Variants in GEMIN2 observed in about 807,000 individuals in gnomAD.
The protein encoded by GEMIN2 is gem nuclear organelle associated protein 2.
GEMIN2 carries 37 observed loss-of-function variants against 45.8 expected under a neutral mutation model. The observed-to-expected ratio is 0.81, with a 90% CI of 0.62 to 1.06. GEMIN2 has a LOEUF of 1.06. Ranked by LOEUF, GEMIN2 falls within the 50% of genes least tolerant of loss-of-function variation. GEMIN2 has a pLI of 0.00. For synonymous variants in GEMIN2, 101 were observed against 111.5 expected (o/e 0.91, Z 0.60); for missense variants, 335 against 321.8 (o/e 1.04, Z -0.31).
In GEMIN2 at chr14:39,133,645, C is replaced by CT. The variant is rs77967037; in HGVS notation, c.712-3dup. 51,865 of 1,119,270 alleles carry CT rather than the reference C, an allele frequency of 0.046. 9 individuals carry two copies. The highest frequency in any genetic ancestry group is 0.049 in the Non-Finnish European group (39,866 of 807,720). 69.3% of individuals were successfully genotyped at this position (1,119,270 alleles called of 1,614,324 possible). ...AGGAACAGACAATATTTAAATTTTT[C>CT]TTTTTTTTTTTTTAGGATAGCAAAG... is the stretch of plus-strand genomic sequence containing the variant. On this transcript the variant is annotated splice_polypyrimidine_tract_variant and intron_variant, in intron 8 of 9. Transcript: ENST00000308317.
chr14:39,121,371 A>C (rs1181704276), intron 4 of GEMIN2, among the ~76,000 whole-genome samples: 1 of 152,146 alleles, frequency 6.6e-6, no homozygotes, highest in Admixed American at 6.6e-5. Context: ...TATCTCTACA[A>C]AAAAAATTTA....
chr14:39,120,397 G>A (rs2052559730), intron 4 of GEMIN2, among the ~76,000 whole-genome samples: 1 of 152,086 alleles, frequency 6.6e-6, no homozygotes, highest in South Asian at 2.1e-4. Context: ...AAAAAATAAA[G>A]TACACTGTGA....
chr14:39,121,570 T>C (rs2052573209), intron 4 of GEMIN2, among the ~76,000 whole-genome samples: 1 of 152,178 alleles, frequency 6.6e-6, no homozygotes, highest in South Asian at 2.1e-4. Context: ...ATGTCCCACA[T>C]ATTGTGTAGC....
chr14:39,130,194 A>G (rs2052698968), intron 7 of GEMIN2, among the ~76,000 whole-genome samples: 1 of 151,904 alleles, frequency 6.6e-6, no homozygotes, highest in Admixed American at 6.6e-5. Flanking sequence ...TTTTTATAGA[A>G]AAAGAATTCC....
At chr14:39,118,626 G>T in intron 4 of GEMIN2, 27 bp downstream of exon 4, 1 of 1,036,016 alleles carries the variant, frequency 9.7e-7, no homozygotes. Context: ...GTTTTAAGAT[G>T]TACAATGTAT....
At chr14:39,117,027 CT>C (rs2052517207) in intron 2 of GEMIN2, among the ~76,000 whole-genome samples, 2 of 152,280 alleles carry the variant, frequency 1.3e-5, no homozygotes, top group Admixed American at 1.3e-4. Context: ...AATCCCAGCA[CT>C]TTGGGAGGCC....
intron 6 of GEMIN2, among the ~76,000 whole-genome samples, chr14:39,126,625 A>C (rs2052643923): frequency 6.6e-6 from 1 of 152,342 alleles, no homozygotes; most frequent in African/African-American, 2.4e-5. Context: ...TATTTGAATA[A>C]ACCAGAGATT....
chr14:39,121,097 A>AT lies in GEMIN2; in HGVS notation c.373-1332dup, dbSNP rs577936154. ...CTTCAAATATGTGAAATATGTAATCATGTCTCTTTACATGGGATAAATATC... is the reference window on the plus strand; with the variant it reads ...CTTCAAATATGTGAAATATGTAATCATTGTCTCTTTACATGGGATAAATATC... On this transcript the variant is annotated intron_variant, in intron 4 of 9. Transcript: ENST00000308317. Among the ~76,000 whole-genome samples the AT allele has an allele frequency of 1.8e-3, 279 of 152,276 alleles. 2 individuals are homozygous for AT. Among genetic ancestry groups the AT allele is most frequent in the African/African-American group, 6.4e-3 (264 of 41,548 alleles).
Position 39,132,006 on chromosome 14 carries a change from C to T in GEMIN2, c.649C>T (p.Pro217Ser), listed in dbSNP as rs779282243. 2 of 1,606,664 alleles carry T rather than the reference C, an allele frequency of 1.2e-6. No individual in the cohort carries two copies. Among genetic ancestry groups the T allele is most frequent in the South Asian group, 1.1e-5 (1 of 90,876 alleles). The change falls in exon 8 of 10, where the codon CCT (proline) becomes TCT (serine). Residue 217 changes from proline to serine, a missense_variant. Coordinates refer to ENST00000308317, the MANE Select transcript of GEMIN2 (RefSeq NM_003616.3). ...GGCTTGTCTTGAAAAGCCTTTGTTA[C>T]CTGAGGCTCATTCACTGATTCGGCA... ...LLACLEKPLLPEAHSLIRQLA... is the reference protein window; with the variant it reads ...LLACLEKPLLSEAHSLIRQLA...
chr14:39,117,203 C>A (rs1164262976), intron 2 of GEMIN2, among the ~76,000 whole-genome samples: 1 of 147,706 alleles, frequency 6.8e-6, no homozygotes, highest in African/African-American at 2.5e-5. Context: ...ACCCGGGAGA[C>A]GGAGATTGCA....
chr14:39,127,242 A>G (rs1231892472), intron 6 of GEMIN2, among the ~76,000 whole-genome samples: 3 of 140,802 alleles, frequency 2.1e-5, no homozygotes, highest in African/African-American at 8.1e-5. Flanking sequence ...AGACCCCGCC[A>G]CCATGCCTGG....
At chr14:39,129,595 TAG>T (rs1181340079) in intron 7 of GEMIN2, among the ~76,000 whole-genome samples, 1 of 152,062 alleles carries the variant, frequency 6.6e-6, no homozygotes, top group Non-Finnish European at 1.5e-5. Context: ...TGTATTTTTG[TAG>T]AGACAGGCTT....
intron 2 of GEMIN2, among the ~76,000 whole-genome samples, chr14:39,116,946 A>G (rs1194733371): frequency 1.3e-5 from 2 of 152,082 alleles, no homozygotes; most frequent in African/African-American, 4.8e-5. Context: ...CGGGGTCTTG[A>G]TATGTTGCTC....
At chr14:39,125,285 T>TA (rs1305400964) in intron 6 of GEMIN2, among the ~76,000 whole-genome samples, 1 of 152,192 alleles carries the variant, frequency 6.6e-6, no homozygotes, top group East Asian at 1.9e-4. Context: ...TAAATGGCAG[T>TA]ACTGAGATTC....
intron 5 of GEMIN2, among the ~76,000 whole-genome samples, chr14:39,123,685 G>GTT (rs1566532769): frequency 1.0e-4 from 6 of 59,598 alleles, no homozygotes; most frequent in African/African-American, 3.0e-4. Flanking sequence ...TTCAAAAATA[G>GTT]CTATATATAT....
chr14:39,127,828 G>A (rs1000944517), intron 6 of GEMIN2, among the ~76,000 whole-genome samples: 19 of 152,098 alleles, frequency 1.2e-4, no homozygotes, highest in South Asian at 4.1e-4. Context: ...GCAGCACTTT[G>A]GGAGGCCGAG....
rs138524173 is a variant in GEMIN2, at chr14:39,114,772, A to G, written c.138-57A>G. ...GTGGAAGTGGATCGCTTGTTTTACT[A>G]CACCTGAGCAAAGCACAACAGAAAT... On this transcript the variant is annotated intron_variant, in intron 1 of 9. Transcript: ENST00000308317. 1.4e-3 allele frequency: 1,351 copies of G among 989,356 alleles called. 7 individuals carry two copies. Among genetic ancestry groups the G allele is most frequent in the African/African-American group, 7.3e-3 (454 of 62,498 alleles). The allele number at this position is 989,356 out of a possible 1,614,324, so 61.3% of individuals were successfully genotyped here. A position where few individuals can be genotyped will look rare whatever the true frequency, so the allele number is the denominator to read the frequency against.
chr14:39,135,540 C>T (rs1421190773), intron 9 of GEMIN2, among the ~76,000 whole-genome samples: 1 of 151,002 alleles, frequency 6.6e-6, no homozygotes, highest in Non-Finnish European at 1.5e-5. Context: ...GAGCTGAGAT[C>T]GTGCCATTGC....
At chr14:39,123,640 G>A (rs2052601867) in intron 5 of GEMIN2, among the ~76,000 whole-genome samples, 1 of 127,388 alleles carries the variant, frequency 7.9e-6, no homozygotes, top group Non-Finnish European at 1.6e-5. Flanking sequence ...ATAACCAATT[G>A]ATCTTTTGGA....
Sources: gnomAD v4.1 joint callset for allele counts (sites outside exome capture counted in the v4.1 genomes callset) on GRCh38, gnomAD v4.1.1 for gene constraint, MANE v1.5 for transcripts, NCBI Gene and HGNC (gene_info 2026-07-23, HGNC 2026-07-21) for gene names.